The following RPS6KA2 variants were observed in gnomAD, a reference collection of about 807,000 sequenced individuals.
The protein encoded by RPS6KA2 is ribosomal protein S6 kinase A2, also known as ribosomal protein S6 kinase alpha-2.
A neutral mutation model predicts 91.8 loss-of-function variants in RPS6KA2; 42 were observed. That is an observed-to-expected ratio of 0.46 (90% confidence interval 0.36 to 0.59). The LOEUF is 0.59. Ranked by LOEUF, RPS6KA2 falls within the 20% of genes least tolerant of loss-of-function variation. The pLI, the probability that RPS6KA2 is intolerant of heterozygous loss-of-function variation, is 0.00. For synonymous variants in RPS6KA2, 414 were observed against 393.6 expected, an observed-to-expected ratio of 1.05 and a Z score of -0.61; for missense variants, 798 against 978.5, an observed-to-expected ratio of 0.82 and a Z score of 2.46.
At chr6:166,679,517 T>C (rs1416393987) in intron 2 of RPS6KA2, among the ~76,000 whole-genome samples, 2 of 152,102 alleles carry the variant, frequency 1.3e-5, no homozygotes, top group East Asian at 1.9e-4. Context: ...CCAGTGCAAA[T>C]CTAGAAAACA....
intron 10 of RPS6KA2, among the ~76,000 whole-genome samples, chr6:166,478,498 C>A (rs1781066341): frequency 1.3e-5 from 2 of 152,204 alleles, no homozygotes; most frequent in South Asian, 4.1e-4. Flanking sequence ...CCTCAATGTT[C>A]TTCTGGCTGG....
intron 2 of RPS6KA2, among the ~76,000 whole-genome samples, chr6:166,761,829 T>A (rs1035244657): frequency 6.6e-6 from 1 of 152,084 alleles, no homozygotes; most frequent in Non-Finnish European, 1.5e-5. Flanking sequence ...CCATTGGGAA[T>A]GGAGTGGAAG....
Position 166,490,108 on chromosome 6 carries a change from T to C in RPS6KA2, c.818+563A>G, listed in dbSNP as rs1424945748. Among the ~76,000 whole-genome samples the C allele has an allele frequency of 6.6e-6, 1 of 152,166 alleles. No homozygotes were observed. Among genetic ancestry groups the C allele is most frequent in the Non-Finnish European group, 1.5e-5 (1 of 68,034 alleles). ...GTCCAAGAGCAAAACCTTGGCTTAG[T>C]AAATGATTTTTCATGAGAATTAAGC... On this transcript the variant is annotated intron_variant, in intron 9 of 20. Transcript: ENST00000265678. The surrounding 1 kb of genome is among the most constrained non-coding windows in gnomAD (Gnocchi z 4.2).
intron 10 of RPS6KA2, among the ~76,000 whole-genome samples, chr6:166,485,462 G>C (rs986576970): frequency 1.3e-5 from 2 of 152,204 alleles, no homozygotes; most frequent in African/African-American, 2.4e-5. Flanking sequence ...CCAGCTGGGA[G>C]GGTTACTTCC....
chr6:166,422,002 C>T (rs1285648564), intron 17 of RPS6KA2, among the ~76,000 whole-genome samples: 4 of 152,084 alleles, frequency 2.6e-5, no homozygotes, highest in African/African-American at 7.2e-5. Flanking sequence ...CGGGTTCAAG[C>T]GATTCTCCTG....
chr6:166,418,310 G>T lies in RPS6KA2; in HGVS notation c.1853C>A (p.Thr618Asn). The T allele has an allele frequency of 6.2e-7, 1 of 1,613,856 alleles. No homozygotes were observed. The change falls in exon 19 of 21, where the codon ACC becomes AAC. Residue 618 changes from threonine (T) to asparagine (N), a missense_variant. Transcript: ENST00000265678. This position sits in a 1 kb window ranked among gnomAD's most constrained non-coding sequence, Gnocchi z 4.9. The part of the protein sequence containing the change: ...FTPFANGPDD[T>N]PEEILARIGS... ...GATCCGCGCCAGAATCTCCTCAGGG[G>T]TATCGTCTGGCCCATTTGCAAAAGG...
intron 2 of RPS6KA2, among the ~76,000 whole-genome samples, chr6:166,771,145 T>C (rs551272175): frequency 6.6e-6 from 1 of 152,302 alleles, no homozygotes; most frequent in African/African-American, 2.4e-5. Context: ...GTGCAACTTT[T>C]AAAATTTAGC....
Position 166,410,360 on chromosome 6 carries a change from C to G in RPS6KA2, c.*2402G>C, listed in dbSNP as rs556868659. 1 of 152,588 alleles carries G rather than the reference C, an allele frequency of 6.6e-6. No homozygotes were observed. Among genetic ancestry groups the G allele is most frequent in the Admixed American group, 6.5e-5 (1 of 15,304 alleles). 9.5% of individuals were successfully genotyped at this position (152,588 alleles called of 1,614,324 possible). ...GTCGACTGCTGCTTGAAAGCAGTCA[C>G]TTGCTATTTCACTAAGGTTTTTGAA... On this transcript the variant is annotated 3_prime_UTR_variant, in exon 21 of 21. Coordinates refer to ENST00000265678, the MANE Select transcript of RPS6KA2 (RefSeq NM_021135.6).
rs181750467 is a variant in RPS6KA2 at position 166,447,745 on chromosome 6, C to T, written c.1332+979G>A. Among the ~76,000 whole-genome samples, 45 of 152,266 alleles carry T rather than the reference C, an allele frequency of 3.0e-4. 2 individuals carry two copies. In the East Asian group the frequency reaches 8.3e-3, roughly 28 times the overall value. ...GTTGATGAAAATTACTCTTTTTACA[C>T]GACTTGCTGGCTGGGCAGATGTTCT... is the stretch of plus-strand genomic sequence containing the variant. On this transcript the variant is annotated intron_variant, in intron 14 of 20. Transcript: ENST00000265678.
chr6:166,453,624 C>A (rs866170305), intron 12 of RPS6KA2, among the ~76,000 whole-genome samples: 4 of 152,180 alleles, frequency 2.6e-5, no homozygotes, highest in African/African-American at 9.7e-5. Flanking sequence ...ATTAGTACAA[C>A]CTCCATGAAA....
intron 2 of RPS6KA2, among the ~76,000 whole-genome samples, chr6:166,744,457 G>A (rs554806932): frequency 1.3e-5 from 2 of 152,330 alleles, no homozygotes; most frequent in East Asian, 3.9e-4. Flanking sequence ...GGGTCCCGGG[G>A]GCCTGCACTC....
chr6:166,758,127 T>C (rs1481544769), intron 2 of RPS6KA2, among the ~76,000 whole-genome samples: 8 of 152,210 alleles, frequency 5.3e-5, no homozygotes, highest in Non-Finnish European at 2.9e-5. Flanking sequence ...ACTTCGGTCC[T>C]TCTCTGTGTC....
chr6:166,681,013 C>T (rs962098271), intron 2 of RPS6KA2, among the ~76,000 whole-genome samples: 2 of 152,196 alleles, frequency 1.3e-5, no homozygotes, highest in Non-Finnish European at 1.5e-5. Flanking sequence ...TAACAGCAGC[C>T]GCTTGTCTCT....
chr6:166,810,695 A>G (rs1173006578), intron 2 of RPS6KA2, among the ~76,000 whole-genome samples: 1 of 152,216 alleles, frequency 6.6e-6, no homozygotes, highest in Admixed American at 6.5e-5. Flanking sequence ...AAAAGCCTAT[A>G]TATGGAAAAC....
At chr6:166,513,135 G>T (rs943461881) in intron 3 of RPS6KA2, among the ~76,000 whole-genome samples, 1 of 152,200 alleles carries the variant, frequency 6.6e-6, no homozygotes, top group Non-Finnish European at 1.5e-5. Context: ...ACGAATTTGG[G>T]TTGGGCTGCA....
chr6:166,743,640 A>G (rs964242733), intron 2 of RPS6KA2, among the ~76,000 whole-genome samples: 1 of 152,258 alleles, frequency 6.6e-6, no homozygotes, highest in Non-Finnish European at 1.5e-5. Flanking sequence ...ATATTGAGAC[A>G]TGCACACACT....
At chr6:166,772,652 A>T (rs1432399331) in intron 2 of RPS6KA2, among the ~76,000 whole-genome samples, 1 of 152,162 alleles carries the variant, frequency 6.6e-6, no homozygotes, top group Non-Finnish European at 1.5e-5. Flanking sequence ...CTATCACCTC[A>T]TTCCACTCCA....
chr6:166,693,792 G>A (rs942929925), intron 2 of RPS6KA2, among the ~76,000 whole-genome samples: 4 of 152,072 alleles, frequency 2.6e-5, no homozygotes, highest in African/African-American at 9.7e-5. Context: ...GCAATTTGAG[G>A]GAGAAAGGCC....
intron 2 of RPS6KA2, among the ~76,000 whole-genome samples, chr6:166,695,048 A>C (rs1470392903): frequency 6.6e-6 from 1 of 152,232 alleles, no homozygotes; most frequent in East Asian, 1.9e-4. Flanking sequence ...CTGGCCACCA[A>C]GGAGCTAATA....
Sources: gnomAD v4.1 joint callset for allele counts (sites outside exome capture counted in the v4.1 genomes callset) on GRCh38, gnomAD v4.1.1 for gene constraint, Gnocchi (gnomAD v3.1) non-coding constraint, MANE v1.5 for transcripts, NCBI Gene and HGNC (gene_info 2026-07-23, HGNC 2026-07-21) for gene names.